The following CA10 variants were observed in gnomAD, a reference collection of about 807,000 sequenced individuals.
The protein encoded by CA10 is carbonic anhydrase-related protein 10.
Under a neutral mutation model 44.2 loss-of-function variants are expected in CA10, and 14 were observed. The ratio of observed to expected loss-of-function variants is 0.32; its 90% CI spans 0.21 to 0.50. The LOEUF is 0.50. Among genes scored for constraint, CA10 ranks in the 20% least tolerant of loss-of-function variants. CA10 has a pLI of 0.99. For synonymous variants in CA10, 159 were observed against 141.6 expected, an observed-to-expected ratio of 1.12 and a Z score of -0.87; for missense variants, 350 against 409.7, an observed-to-expected ratio of 0.85 and a Z score of 1.26.
intron 6 of CA10, among the ~76,000 whole-genome samples, chr17:51,639,969 T>C (rs1014470050): frequency 1.3e-5 from 2 of 152,198 alleles, no homozygotes; most frequent in Non-Finnish European, 2.9e-5. Flanking sequence ...TGTCACATCC[T>C]CCTACCCTGC....
At chr17:51,644,715 A>G (rs559051473) in intron 6 of CA10, among the ~76,000 whole-genome samples, 1 of 152,152 alleles carries the variant, frequency 6.6e-6, no homozygotes, top group Non-Finnish European at 1.5e-5. Flanking sequence ...GCTCAGGCTA[A>G]AAGTCTTACA....
chr17:52,020,984 G>C (rs1201390142), intron 2 of CA10, among the ~76,000 whole-genome samples: 1 of 151,872 alleles, frequency 6.6e-6, no homozygotes, highest in Non-Finnish European at 1.5e-5. Context: ...ACAGGATTTT[G>C]TTCTTTTTTT....
intron 2 of CA10, among the ~76,000 whole-genome samples, chr17:51,977,327 T>A (rs8082633): frequency 0.11 from 17,415 of 151,626 alleles, 1,020 homozygotes; most frequent in Middle Eastern, 0.14. Flanking sequence ...CACATTTTTT[T>A]AAAAAAAGGT....
chr17:52,052,139 G>T (rs1987090055), intron 2 of CA10, among the ~76,000 whole-genome samples: 1 of 151,840 alleles, frequency 6.6e-6, no homozygotes, highest in African/African-American at 2.4e-5. Flanking sequence ...AGGGTGGAGG[G>T]TGGGGGAAGG....
At chr17:51,918,896 GTTATTC>G (rs1290243768) in intron 3 of CA10, among the ~76,000 whole-genome samples, 2 of 152,160 alleles carry the variant, frequency 1.3e-5, no homozygotes, top group African/African-American at 2.4e-5. Context: ...GATTATTTTA[GTTATTC>G]TTAATCTTTC....
In CA10 at chr17:51,923,005, A is replaced by G. The variant is rs1034552824; in HGVS notation, c.279+7985T>C. ...AAAGGAATTTGTCTAACCACAAAAT[A>G]CAGATGAGTAAGAATTGCATCCACT... On this transcript the variant is annotated intron_variant, in intron 3 of 8. Transcript: ENST00000451037. Among the ~76,000 whole-genome samples the G allele has an allele frequency of 2.1e-4, 32 of 152,216 alleles. 1 individual carries two copies. The highest frequency in any genetic ancestry group is 1.0e-4 in the Non-Finnish European group (7 of 68,044).
chr17:51,659,987 C>T (rs1286877924), intron 4 of CA10, among the ~76,000 whole-genome samples: 1 of 152,140 alleles, frequency 6.6e-6, no homozygotes, highest in Non-Finnish European at 1.5e-5. Flanking sequence ...TGAATGAATA[C>T]CAATTCTGCA....
intron 3 of CA10, among the ~76,000 whole-genome samples, chr17:51,798,657 T>C (rs1906808075): frequency 6.6e-6 from 1 of 152,108 alleles, no homozygotes; most frequent in South Asian, 2.1e-4. Context: ...TTTAAATTGG[T>C]TTAAAGTTGC....
At chr17:52,098,826 C>T (rs1355597132) in intron 1 of CA10, among the ~76,000 whole-genome samples, 1 of 152,118 alleles carries the variant, frequency 6.6e-6, no homozygotes, top group African/African-American at 2.4e-5. Flanking sequence ...TAAAGAAATC[C>T]TCCAGGGAGC....
At chr17:51,914,878 T>A (rs150921288) in intron 3 of CA10, among the ~76,000 whole-genome samples, 1 of 152,338 alleles carries the variant, frequency 6.6e-6, no homozygotes, top group African/African-American at 2.4e-5. Context: ...TTCAGTTTCC[T>A]GGTTTGTAAA....
intron 2 of CA10, among the ~76,000 whole-genome samples, chr17:51,938,365 C>A (rs986323643): frequency 6.6e-6 from 1 of 152,036 alleles, no homozygotes; most frequent in African/African-American, 2.4e-5. Flanking sequence ...AGGATCCAGG[C>A]AGAAGGGTAC....
rs536975000 is a variant in CA10, at chr17:52,017,062, A to T, written c.136+55257T>A. Among the ~76,000 whole-genome samples, 31 of 152,258 alleles carry T rather than the reference A, an allele frequency of 2.0e-4. No individual in the cohort carries two copies. In the South Asian group the frequency reaches 5.4e-3, roughly 26 times the overall value. ...CTCGCTAGAAGCAGATGCTGGTGAG[A>T]TGCTTTCTGTACATTCCGCAGAACT... On this transcript the variant is annotated intron_variant, in intron 2 of 8. Transcript: ENST00000451037.
chr17:51,720,704 T>A (rs561402953), intron 4 of CA10, among the ~76,000 whole-genome samples: 1 of 152,106 alleles, frequency 6.6e-6, no homozygotes, highest in South Asian at 2.1e-4. Context: ...ATATGTACAA[T>A]CTAAAAAGTC....
intron 2 of CA10, among the ~76,000 whole-genome samples, chr17:52,071,592 C>T (rs545682069): frequency 6.6e-6 from 1 of 152,314 alleles, no homozygotes; most frequent in South Asian, 2.1e-4. Flanking sequence ...ACACTGGCTC[C>T]TGCTGAGAGC....
chr17:51,788,425 C>T (rs1206821958), intron 3 of CA10, among the ~76,000 whole-genome samples: 2 of 152,162 alleles, frequency 1.3e-5, no homozygotes, highest in African/African-American at 4.8e-5. Context: ...TATTCTGCAG[C>T]CACTGGGTGA....
intron 3 of CA10, among the ~76,000 whole-genome samples, chr17:51,873,884 C>T (rs925110168): frequency 6.6e-6 from 1 of 152,188 alleles, no homozygotes; most frequent in Non-Finnish European, 1.5e-5. Flanking sequence ...TGTTCTGCAA[C>T]TAGACCCTGA....
At chr17:51,927,282 G>A (rs1982471768) in intron 3 of CA10, among the ~76,000 whole-genome samples, 1 of 152,094 alleles carries the variant, frequency 6.6e-6, no homozygotes. Context: ...CTTAACTACT[G>A]AGGTGTCTAT....
intron 4 of CA10, among the ~76,000 whole-genome samples, chr17:51,723,511 C>G (rs1916417618): frequency 6.6e-6 from 1 of 152,260 alleles, no homozygotes; most frequent in South Asian, 2.1e-4. Context: ...ACGGCATCTA[C>G]TGAGTGCTCC....
chr17:51,989,187 G>A (rs1368054881), intron 2 of CA10, among the ~76,000 whole-genome samples: 1 of 150,186 alleles, frequency 6.7e-6, no homozygotes, highest in Non-Finnish European at 1.5e-5. Context: ...AAGTTCAGCG[G>A]TACAAGTACA....
Sources: gnomAD v4.1 joint callset for allele counts (sites outside exome capture counted in the v4.1 genomes callset) on GRCh38, gnomAD v4.1.1 for gene constraint, MANE v1.5 for transcripts, NCBI Gene and HGNC (gene_info 2026-07-23, HGNC 2026-07-21) for gene names.